The following ITGA4 variants were observed in gnomAD, a reference collection of about 807,000 sequenced individuals.
ITGA4 encodes the protein integrin subunit alpha 4, also known as integrin alpha-4.
Under a neutral mutation model 133.6 loss-of-function variants are expected in ITGA4, and 63 were observed. The observed-to-expected ratio is 0.47, with a 90% CI of 0.38 to 0.58. The LOEUF (loss-of-function observed/expected upper bound fraction) is 0.58, where lower values mean the gene tolerates loss of function less well. Ranked by LOEUF, ITGA4 falls within the 20% of genes least tolerant of loss-of-function variation. ITGA4 has a pLI of 0.00. For synonymous variants in ITGA4, 483 were observed against 438.0 expected (o/e 1.10, Z -1.28); for missense variants, 1,076 against 1,252.7 (o/e 0.86, Z 2.13).
chr2:181,461,096 C>T (rs1685264353), intron 2 of ITGA4, among the ~76,000 whole-genome samples: 1 of 151,054 alleles, frequency 6.6e-6, no homozygotes, highest in African/African-American at 2.4e-5. Context: ...AGATAGACTC[C>T]TCCCCTCAAA....
At position 181,530,555 on chromosome 2, in the gene ITGA4, A is replaced by T; in HGVS notation, c.2570A>T (p.Tyr857Phe). ...ACTGGAGAATGCCACTTTGAAAATT[A>T]TCAAAGAGTGTGTGCATTAGAGCAG... is the stretch of plus-strand genomic sequence containing the variant. ...TTTGECHFEN[Y>F]QRVCALEQQK... The change falls in exon 24 of 28, where the codon TAT (tyrosine) becomes TTT (phenylalanine). Residue 857 changes from tyrosine (Y) to phenylalanine (F), a missense_variant. By Grantham distance (22) the Tyr-to-Phe change is conservative (BLOSUM62 3). Around this residue, in one of 4 missense-constraint regions of ITGA4, gnomAD observed 365 missense variants for 421.4 expected, o/e 0.87. Transcript: ENST00000397033. 6.2e-7 allele frequency: 1 copy of T among 1,612,920 alleles called. No homozygotes were observed. Among genetic ancestry groups the T allele is most frequent in the Non-Finnish European group, 8.5e-7 (1 of 1,179,026 alleles).
chr2:181,470,024 C>A (rs1255878013), intron 2 of ITGA4, among the ~76,000 whole-genome samples: 1 of 151,800 alleles, frequency 6.6e-6, no homozygotes, highest in Non-Finnish European at 1.5e-5. Context: ...TGTAACAAAC[C>A]TGCATGTTGT....
intron 22 of ITGA4, among the ~76,000 whole-genome samples, chr2:181,529,146 C>G (rs996608749): frequency 1.3e-5 from 2 of 152,150 alleles, no homozygotes; most frequent in Admixed American, 1.3e-4. Flanking sequence ...CTAAGAACAC[C>G]TGTTAGCATT....
chr2:181,511,575 AG>A, intron 16 of ITGA4, 123 bp from the exon 17 acceptor site: 1 of 569,908 alleles, frequency 1.8e-6, no homozygotes, highest in Non-Finnish European at 3.1e-6. Flanking sequence ...TAAAATAAAG[AG>A]TTGTCAATTT....
In ITGA4 at chr2:181,485,776, C is replaced by T. The variant is rs762464531; in HGVS notation, c.1042-105C>T. 5 of 912,416 alleles carry T rather than the reference C, an allele frequency of 5.5e-6. No individual in the cohort carries two copies. The East Asian group carries it at 1.1e-4, about 20-fold the overall frequency. 56.5% of individuals were successfully genotyped at this position (912,416 alleles called of 1,614,324 possible). A position where few individuals can be genotyped will look rare whatever the true frequency, so the allele number is the denominator to read the frequency against. On this transcript the variant is annotated intron_variant, in intron 9 of 27. Coordinates refer to ENST00000397033, the MANE Select transcript of ITGA4 (RefSeq NM_000885.6). ...AAAGCTCAGTCTGTAGTTTGTCCAA[C>T]TTGTTTGACACATTAGAAAAAATCC...
chr2:181,534,108 G>A (rs187588429), intron 25 of ITGA4, among the ~76,000 whole-genome samples, 164 bp from the exon 26 acceptor site: 1 of 152,242 alleles, frequency 6.6e-6, no homozygotes, highest in East Asian at 1.9e-4. Flanking sequence ...TTAATACCAA[G>A]ACCACACTTT....
At chr2:181,457,242 G>T, upstream of ITGA4, 1 of 187,200 alleles carries the variant, frequency 5.3e-6, no homozygotes, top group Non-Finnish European at 1.1e-5. Context: ...CGCGCTCTGC[G>T]GGCTGGGAGG....
chr2:181,537,288 A>G lies in ITGA4; in HGVS notation c.*1761A>G, dbSNP rs1333780167. 2.2e-6 allele frequency: 1 copy of G among 453,694 alleles called. No individual in the cohort carries two copies. The highest frequency in any genetic ancestry group is 4.4e-6 in the Non-Finnish European group (1 of 226,520). 28.1% of individuals were successfully genotyped at this position (453,694 alleles called of 1,614,324 possible). On this transcript the variant is annotated 3_prime_UTR_variant, in exon 28 of 28. Coordinates refer to ENST00000397033, the MANE Select transcript of ITGA4 (RefSeq NM_000885.6). Reference sequence around the variant, plus strand: ...TACTCAGAACTACTCAGAAACAACTATATATTTCAGGTTATCTGAGCACAG... The same window carrying G: ...TACTCAGAACTACTCAGAAACAACTGTATATTTCAGGTTATCTGAGCACAG...
Position 181,495,774 on chromosome 2 carries a change from C to T in ITGA4, c.1386-9C>T. On this transcript the variant is annotated splice_polypyrimidine_tract_variant and intron_variant, in intron 13 of 27. Transcript: ENST00000397033. The surrounding 1 kb of genome is among the most constrained non-coding windows in gnomAD (Gnocchi z 4.3). Reference sequence around the variant, plus strand: ...GCAATTAACATTGCTACTTTTATTTCCTTCTCAGGACAAGACCTGTAGTAA... The same window carrying T: ...GCAATTAACATTGCTACTTTTATTTTCTTCTCAGGACAAGACCTGTAGTAA... 1 of 1,602,944 alleles carries T rather than the reference C, an allele frequency of 6.2e-7. No individual in the cohort carries two copies.
rs1413504431 is a variant in ITGA4 at position 181,504,636 on chromosome 2, G to T, written c.1696-5022G>T. 2.0e-5 allele frequency among the ~76,000 whole-genome samples: 3 copies of T among 151,956 alleles called. No individual in the cohort carries two copies. The East Asian group carries it at 5.8e-4, about 29-fold the overall frequency. ...AAGTGAATTGATTATTATAACATGT[G>T]AATTCTTCATTAGATTGCAAGATCT... On this transcript the variant is annotated intron_variant, in intron 15 of 27. Transcript: ENST00000397033.
At position 181,536,979 on chromosome 2, in the gene ITGA4, A is replaced by AAGTT. The variant is rs770588185; in HGVS notation, c.*1454_*1457dup. On this transcript the variant is annotated 3_prime_UTR_variant, in exon 28 of 28. Transcript: ENST00000397033. ...ACTAGCCAGCCATCCTAATTGATGA[A>AAGTT]AGTTATCTGTTCACAGGCCTGCAGT... The AAGTT allele has an allele frequency of 1.1e-5, 5 of 452,224 alleles. No individual in the cohort carries two copies. Among genetic ancestry groups the AAGTT allele is most frequent in the South Asian group, 3.1e-5 (2 of 63,990 alleles). 28.0% of individuals were successfully genotyped at this position (452,224 alleles called of 1,614,324 possible). A position where few individuals can be genotyped will look rare whatever the true frequency, so the allele number is the denominator to read the frequency against.
intron 17 of ITGA4, among the ~76,000 whole-genome samples, 161 bp downstream of exon 17, chr2:181,511,936 C>A (rs1392606911): frequency 1.3e-5 from 2 of 152,000 alleles, no homozygotes; most frequent in African/African-American, 2.4e-5. Context: ...GGCCAGAAAA[C>A]TGGTTATATC....
At chr2:181,485,333 A>C (rs1397788472) in intron 9 of ITGA4, among the ~76,000 whole-genome samples, 1 of 152,106 alleles carries the variant, frequency 6.6e-6, no homozygotes, top group Non-Finnish European at 1.5e-5. Flanking sequence ...TGTATATCAA[A>C]ATTATGCTTA....
At chr2:181,521,490 T>A (rs1397268177) in intron 17 of ITGA4, among the ~76,000 whole-genome samples, 1 of 152,174 alleles carries the variant, frequency 6.6e-6, no homozygotes, top group Non-Finnish European at 1.5e-5. Context: ...GCTAAATTAC[T>A]TCCCCACCAG....
At chr2:181,519,266 C>G (rs1468530127) in intron 17 of ITGA4, among the ~76,000 whole-genome samples, 1 of 151,922 alleles carries the variant, frequency 6.6e-6, no homozygotes, top group African/African-American at 2.4e-5. Flanking sequence ...CGAACAAAAC[C>G]AAGTTATATT....
chr2:181,524,441 T>G, intron 20 of ITGA4, 191 bp downstream of exon 20: 1 of 484,588 alleles, frequency 2.1e-6, no homozygotes, highest in Non-Finnish European at 3.6e-6. Flanking sequence ...TTGAGCTATG[T>G]TAAGTATTTA....
chr2:181,484,916 G>A (rs1685880578), intron 9 of ITGA4, among the ~76,000 whole-genome samples: 1 of 152,172 alleles, frequency 6.6e-6, no homozygotes, highest in Non-Finnish European at 1.5e-5. Flanking sequence ...TGCTTAAGAG[G>A]TGCCAAGTAA....
At chr2:181,530,443 G>A in intron 23 of ITGA4, 81 bp from the exon 24 acceptor site, 1 of 1,334,990 alleles carries the variant, frequency 7.5e-7, no homozygotes, top group Non-Finnish European at 1.0e-6. Context: ...ATAAGCTACT[G>A]GAACTTTTAA....
At chr2:181,477,684 G>T (rs531705023) in intron 4 of ITGA4, among the ~76,000 whole-genome samples, 2 of 152,214 alleles carry the variant, frequency 1.3e-5, no homozygotes, top group Admixed American at 1.3e-4. Flanking sequence ...TTATCAAAAA[G>T]GCAAGAGATA....
Sources: gnomAD v4.1 joint callset for allele counts (sites outside exome capture counted in the v4.1 genomes callset) on GRCh38, gnomAD v4.1.1 for gene constraint, gnomAD v4.1.1 regional missense constraint, Gnocchi (gnomAD v3.1) non-coding constraint, MANE v1.5 for transcripts, NCBI Gene and HGNC (gene_info 2026-07-23, HGNC 2026-07-21) for gene names.